TSC2: variants seen among roughly 807,000 people sequenced by gnomAD.
TSC2 encodes tuberin.
TSC2 carries 29 observed loss-of-function variants against 202.2 expected under a neutral mutation model. The ratio of observed to expected loss-of-function variants is 0.14; its 90% confidence interval spans 0.11 to 0.20. TSC2 has a LOEUF of 0.20. Ranked by LOEUF, TSC2 falls within the 10% of genes least tolerant of loss-of-function variation. TSC2 has a pLI of 1.00. For missense variants in TSC2, 2,429 were observed against 2,420.0 expected (o/e 1.00, Z -0.08); for synonymous variants, 1,349 against 1,044.0 (o/e 1.29, Z -5.63).
At position 2,070,591 on chromosome 16, in the gene TSC2, G is replaced by A. The variant is rs556485459; in HGVS notation, c.1839+13G>A. ...CATCCGGCTGCAGGTATGGTGGCTG[G>A]GGTTGCGCAGCCAGTTCCTGGGGGC... On this transcript the variant is annotated intron_variant, in intron 17 of 41. Coordinates refer to ENST00000219476, the MANE Select transcript of TSC2 (RefSeq NM_000548.5). 7.4e-6 allele frequency: 12 copies of A among 1,612,932 alleles called. No individual in the cohort carries two copies. The highest frequency in any genetic ancestry group is 2.2e-5 in the South Asian group (2 of 91,086).
chr16:2,048,447 G>A, intron 1 of TSC2, 140 bp from the exon 2 acceptor site: 1 of 1,109,150 alleles, frequency 9.0e-7, no homozygotes, highest in Non-Finnish European at 1.3e-6. Context: ...CAGCTGGGCT[G>A]TAGTTGAGTT....
rs1843069967 is a variant in TSC2 at position 2,079,201 on chromosome 16, A to C, written c.3131+5A>C. ...CTTCACGGCTGTCCCGAAGAGGTCC[A>C]GGCGGCACTACAGGGCTGGGCGGGC... On this transcript the variant is annotated splice_donor_5th_base_variant and intron_variant, in intron 27 of 41. Coordinates refer to ENST00000219476, the MANE Select transcript of TSC2 (RefSeq NM_000548.5). The surrounding 1 kb of genome is among the most constrained non-coding windows in gnomAD (Gnocchi z 4.6). 6.2e-7 allele frequency: 1 copy of C among 1,612,838 alleles called. No homozygotes were observed. Among genetic ancestry groups the C allele is most frequent in the Non-Finnish European group, 8.5e-7 (1 of 1,180,004 alleles).
Position 2,088,470 on chromosome 16 carries a change from A to C in TSC2, c.5284A>C (p.Asn1762His). The C allele has an allele frequency of 6.2e-7, 1 of 1,612,852 alleles. No individual in the cohort carries two copies. Among genetic ancestry groups the C allele is most frequent in the East Asian group, 2.2e-5 (1 of 44,870 alleles). ...GATCTGCGAGGAAGCCGCCTACTCCAACCCCAGCCTACCTCTGGTGCACCC... is the reference window on the plus strand; with the variant it reads ...GATCTGCGAGGAAGCCGCCTACTCCCACCCCAGCCTACCTCTGGTGCACCC... ...QRICEEAAYSNPSLPLVHPPS... is the reference protein window; with the variant it reads ...QRICEEAAYSHPSLPLVHPPS... Residue 1762 changes from asparagine (N) to histidine (H), a missense_variant, in exon 42 of 42, where the codon AAC becomes CAC. Physicochemically the swap from Asn to His is moderately conservative, Grantham distance 68 (BLOSUM62 1). Coordinates refer to ENST00000219476, the MANE Select transcript of TSC2 (RefSeq NM_000548.5).
rs759316470 is a variant in TSC2 at position 2,053,327 on chromosome 16, C to T, written c.226-15C>T. On this transcript the variant is annotated splice_polypyrimidine_tract_variant and intron_variant, in intron 3 of 41. Coordinates refer to ENST00000219476, the MANE Select transcript of TSC2 (RefSeq NM_000548.5). ...GAGAGCACATCCTCACCGCTGTCCC[C>T]TCTGCTGGTGACAGCACGCAGTGGA... is the stretch of plus-strand genomic sequence containing the variant. The T allele has an allele frequency of 3.8e-6, 6 of 1,567,152 alleles. No homozygotes were observed. The highest frequency in any genetic ancestry group is 2.7e-5 in the African/African-American group (2 of 73,870).
chr16:2,070,947 C>T (rs745953150), intron 17 of TSC2, among the ~76,000 whole-genome samples: 1 of 151,758 alleles, frequency 6.6e-6, no homozygotes, highest in African/African-American at 2.4e-5. Flanking sequence ...GAGGGCAGAG[C>T]TGAGACGGCA....
rs554752302 is a variant in TSC2 at position 2,056,824 on chromosome 16, G to A, written c.774+55G>A. The A allele has an allele frequency of 1.0e-4, 160 of 1,600,176 alleles. No individual in the cohort carries two copies. In the African/African-American group the frequency reaches 1.7e-3, roughly 17 times the overall value. Reference sequence around the variant, plus strand: ...TCCTGAGAGCACATGGATGGGACAAGGGCCATCCTGTCTCCCATGAATGGT... The same window carrying A: ...TCCTGAGAGCACATGGATGGGACAAAGGCCATCCTGTCTCCCATGAATGGT... On this transcript the variant is annotated intron_variant, in intron 8 of 41. Transcript: ENST00000219476.
chr16:2,067,896 T>C (rs1418430245), intron 16 of TSC2, among the ~76,000 whole-genome samples: 2 of 152,190 alleles, frequency 1.3e-5, no homozygotes, highest in Admixed American at 1.3e-4. Flanking sequence ...CTGGGAGAAC[T>C]GAGAACCTTT....
At position 2,084,263 on chromosome 16, in the gene TSC2, C is replaced by T. The variant is rs1060504109; in HGVS notation, c.4041C>T (p.Leu1347=). 20 of 1,607,580 alleles carry T rather than the reference C, an allele frequency of 1.2e-5. No individual in the cohort carries two copies. Among genetic ancestry groups the T allele is most frequent in the Non-Finnish European group, 1.6e-5 (19 of 1,177,440 alleles). The change falls in exon 34 of 42, where the codon CTC becomes CTT. Residue 1347 remains leucine, a synonymous_variant. Coordinates refer to ENST00000219476, the MANE Select transcript of TSC2 (RefSeq NM_000548.5). ...SSVSSQEEKS[L]HAEELVGRGI... is the part of the protein sequence containing the mutation. ...TCTCCAGCCAGGAGGAGAAGTCGCT[C>T]CACGCGGAGGAGCTGGTTGGCAGGG...
rs1368001965 is a variant in TSC2 at position 2,084,484 on chromosome 16, G to A, written c.4262G>A (p.Gly1421Glu). The stretch of plus-strand genomic sequence containing the variant: ...GAGGTTAAGGCCCGGTCACAGTCAG[G>A]GACCCTGGACGGGGAAAGTGCTGCC... ...SPEVKARSQS[G>E]TLDGESAAWS... Residue 1421 changes from glycine to glutamate, a missense_variant, in exon 34 of 42, where the codon GGG becomes GAG. Physicochemically the swap from Gly to Glu is moderately conservative, Grantham distance 98. Coordinates refer to ENST00000219476, the MANE Select transcript of TSC2 (RefSeq NM_000548.5). The A allele has an allele frequency of 6.8e-6, 11 of 1,609,290 alleles. No individual in the cohort carries two copies. The highest frequency in any genetic ancestry group is 1.1e-5 in the South Asian group (1 of 90,532).
Position 2,087,827 on chromosome 16 carries a change from TG to T in TSC2, c.4990-35del, listed in dbSNP as rs756466474. 3.1e-6 allele frequency: 5 copies of T among 1,607,058 alleles called. No individual in the cohort carries two copies. The African/African-American group carries it at 5.3e-5, about 17-fold the overall frequency. On this transcript the variant is annotated intron_variant, in intron 38 of 41. Transcript: ENST00000219476. Reference sequence around the variant, plus strand: ...GCCGAGATCAGCCTTCAGCACACGCTGTGTGCGGGGATGACCCTTTCTCTTG... The same window carrying T: ...GCCGAGATCAGCCTTCAGCACACGCTTGTGCGGGGATGACCCTTTCTCTTG...
chr16:2,087,828 G>C (rs2151609534), intron 38 of TSC2, 35 bp from the exon 39 acceptor site: 1 of 1,610,246 alleles, frequency 6.2e-7, no homozygotes, highest in Non-Finnish European at 8.5e-7. Context: ...AGCACACGCT[G>C]TGTGCGGGGA....
intron 38 of TSC2, among the ~76,000 whole-genome samples, chr16:2,087,571 G>C (rs1386803462): frequency 2.6e-5 from 4 of 152,106 alleles, no homozygotes; most frequent in Admixed American, 2.6e-4. Context: ...TGGGCAGACG[G>C]ATTCGGACGT....
rs137854214 is a variant in TSC2 at position 2,088,498 on chromosome 16, C to A, written c.5312C>A (p.Pro1771Gln). 1 of 1,612,874 alleles carries A rather than the reference C, an allele frequency of 6.2e-7. No individual in the cohort carries two copies. The highest frequency in any genetic ancestry group is 1.1e-5 in the South Asian group (1 of 91,092). The change falls in exon 42 of 42, where the codon CCG becomes CAG. Residue 1771 changes from proline (P) to glutamine (Q), a missense_variant. Transcript: ENST00000219476. ...CCCAGCCTACCTCTGGTGCACCCTC[C>A]GTCCCATAGCAAAGCCCCTGCACAG... ...SNPSLPLVHP[P>Q]SHSKAPAQTP...
chr16:2,053,296 T>A (rs1436756530), intron 3 of TSC2, 46 bp from the exon 4 acceptor site: 1 of 1,541,126 alleles, frequency 6.5e-7, no homozygotes, highest in Non-Finnish European at 8.8e-7. Flanking sequence ...GGGGCCAGGG[T>A]TCTTGGAGAG....
chr16:2,072,147 G>A (rs1159426442), intron 19 of TSC2, 94 bp from the exon 20 acceptor site: 43 of 1,599,652 alleles, frequency 2.7e-5, no homozygotes, highest in Non-Finnish European at 3.5e-5. Context: ...AGCCCTTGAC[G>A]CTGTGCAGCC....
intron 2 of TSC2, among the ~76,000 whole-genome samples, chr16:2,049,978 C>T (rs562025608): frequency 3.4e-5 from 5 of 146,280 alleles, no homozygotes; most frequent in South Asian, 2.2e-4. Flanking sequence ...TTTTTGAGAC[C>T]GAGTTTCGCT....
Position 2,088,716 on chromosome 16 carries a change from A to AGAC in TSC2, c.*107_*109dup, listed in dbSNP as rs1346768812. ...AGACATAGAGGCACAGATTGCAGTC[A>AGAC]GACAGCTCTTTTATTGACTTTGTCT... On this transcript the variant is annotated 3_prime_UTR_variant, in exon 42 of 42. Coordinates refer to ENST00000219476, the MANE Select transcript of TSC2 (RefSeq NM_000548.5). The AGAC allele has an allele frequency of 7.0e-7, 1 of 1,431,532 alleles. No homozygotes were observed. The allele number at this position is 1,431,532 out of a possible 1,614,324, so 88.7% of individuals were successfully genotyped here.
intron 16 of TSC2, among the ~76,000 whole-genome samples, chr16:2,068,186 C>T (rs938360148): frequency 2.0e-5 from 3 of 152,084 alleles, no homozygotes; most frequent in Admixed American, 6.5e-5. Flanking sequence ...ATGACAGGTG[C>T]GCACCACCAC....
At chr16:2,075,759 G>T (rs758481229) in intron 22 of TSC2, 40 bp from the exon 23 acceptor site, 2 of 1,604,894 alleles carry the variant, frequency 1.2e-6, no homozygotes, top group Admixed American at 1.7e-5. Flanking sequence ...GGCGCTGCAC[G>T]GGACCCCGGC....
Sources: gnomAD v4.1 joint callset for allele counts (sites outside exome capture counted in the v4.1 genomes callset) on GRCh38, gnomAD v4.1.1 for gene constraint, Gnocchi (gnomAD v3.1) non-coding constraint, MANE v1.5 for transcripts, NCBI Gene and HGNC (gene_info 2026-07-23, HGNC 2026-07-21) for gene names.